The following ASTN1 variants were observed in gnomAD, a reference collection of about 807,000 sequenced individuals.
ASTN1 encodes astrotactin 1.
ASTN1 carries 41 observed loss-of-function variants against 140.7 expected under a neutral mutation model. The ratio of observed to expected loss-of-function variants is 0.29; its 90% CI spans 0.23 to 0.38. The LOEUF (loss-of-function observed/expected upper bound fraction) is 0.38. Ranked by LOEUF, ASTN1 falls within the 10% of genes least tolerant of loss-of-function variation. The pLI, the probability that ASTN1 is intolerant of heterozygous loss-of-function variation, is 1.00. For synonymous variants in ASTN1, 640 were observed against 652.2 expected (o/e 0.98, Z 0.29); for missense variants, 1,479 against 1,678.8 (o/e 0.88, Z 2.08).
intron 1 of ASTN1, among the ~76,000 whole-genome samples, chr1:177,146,656 A>C (rs1682731826): frequency 6.6e-6 from 1 of 152,218 alleles, no homozygotes. Flanking sequence ...TGTCAAGCTC[A>C]CTACGGCATT....
chr1:177,038,053 G>A (rs931078873), intron 2 of ASTN1, among the ~76,000 whole-genome samples: 8 of 152,124 alleles, frequency 5.3e-5, no homozygotes, highest in Non-Finnish European at 1.2e-4. Context: ...ATTGCCGAAG[G>A]ATGGAAAATT....
chr1:177,045,741 T>A (rs1677184011), intron 2 of ASTN1, among the ~76,000 whole-genome samples: 2 of 152,144 alleles, frequency 1.3e-5, no homozygotes, highest in African/African-American at 2.4e-5. Flanking sequence ...AGTGACAGAT[T>A]TTTTTTCTAG....
At chr1:176,954,941 GTCCTGCT>G (rs1353320196) in intron 11 of ASTN1, among the ~76,000 whole-genome samples, 1 of 152,192 alleles carries the variant, frequency 6.6e-6, no homozygotes, top group Non-Finnish European at 1.5e-5. Context: ...TGAGAAACAT[GTCCTGCT>G]TCCTAGAAAG....
chr1:176,971,875 TC>T (rs1419524015), intron 8 of ASTN1, among the ~76,000 whole-genome samples: 2 of 152,172 alleles, frequency 1.3e-5, no homozygotes, highest in Non-Finnish European at 2.9e-5. Flanking sequence ...CTCAGATAAG[TC>T]CTTTAATTTC....
At chr1:176,879,915 C>T (rs1283851236) in intron 20 of ASTN1, among the ~76,000 whole-genome samples, 1 of 152,094 alleles carries the variant, frequency 6.6e-6, no homozygotes, top group African/African-American at 2.4e-5. Flanking sequence ...TCATCATGGC[C>T]GGGGGAGCAC....
chr1:177,130,786 C>T (rs942168038), intron 1 of ASTN1, among the ~76,000 whole-genome samples: 3 of 152,180 alleles, frequency 2.0e-5, no homozygotes, highest in East Asian at 1.9e-4. Flanking sequence ...GCCTGGTCCA[C>T]GTTAAAGTGT....
intron 13 of ASTN1, among the ~76,000 whole-genome samples, chr1:176,944,980 G>T (rs1444642199): frequency 6.6e-6 from 1 of 152,152 alleles, no homozygotes; most frequent in Non-Finnish European, 1.5e-5. Flanking sequence ...GCTCATGAGG[G>T]TCTAGGCCCA....
chr1:177,099,112 A>T (rs1680183254), intron 1 of ASTN1, among the ~76,000 whole-genome samples: 1 of 152,180 alleles, frequency 6.6e-6, no homozygotes, highest in East Asian at 1.9e-4. Flanking sequence ...AGCAACATCA[A>T]TTCTCAACAC....
intron 1 of ASTN1, among the ~76,000 whole-genome samples, chr1:177,141,708 A>C (rs1682478030): frequency 6.6e-6 from 1 of 152,220 alleles, no homozygotes; most frequent in Non-Finnish European, 1.5e-5. Flanking sequence ...GATCAGTAAT[A>C]AAAGGGATAT....
intron 1 of ASTN1, among the ~76,000 whole-genome samples, chr1:177,112,488 C>A (rs1169957627): frequency 1.3e-5 from 2 of 152,148 alleles, no homozygotes; most frequent in African/African-American, 4.8e-5. Flanking sequence ...ACATGGGCAA[C>A]AATCAGACCG....
chr1:176,983,934 C>T (rs931765997), intron 8 of ASTN1, among the ~76,000 whole-genome samples: 1 of 152,190 alleles, frequency 6.6e-6, no homozygotes, highest in African/African-American at 2.4e-5. Flanking sequence ...TCCACTCATA[C>T]AAATGACAGA....
intron 9 of ASTN1, among the ~76,000 whole-genome samples, chr1:176,961,236 C>A (rs924251225): frequency 1.3e-5 from 2 of 152,174 alleles, no homozygotes; most frequent in Non-Finnish European, 2.9e-5. Flanking sequence ...CCATGTAGAG[C>A]AGGCTATAGG....
chr1:177,056,064 C>G (rs972119404), intron 2 of ASTN1, among the ~76,000 whole-genome samples: 23 of 152,178 alleles, frequency 1.5e-4, no homozygotes, highest in South Asian at 2.1e-4. Context: ...ACATGCGATG[C>G]TCAGGCAACT....
At chr1:177,001,202 C>G (rs939161387) in intron 8 of ASTN1, among the ~76,000 whole-genome samples, 3 of 152,194 alleles carry the variant, frequency 2.0e-5, no homozygotes, top group Non-Finnish European at 4.4e-5. Context: ...ATGTTCCAGA[C>G]AGTGTATTAA....
intron 20 of ASTN1, among the ~76,000 whole-genome samples, chr1:176,881,809 G>A (rs1668811120): frequency 6.6e-6 from 1 of 152,184 alleles, no homozygotes; most frequent in Non-Finnish European, 1.5e-5. Context: ...TTCAGCCTGA[G>A]CACTGAAGTT....
chr1:176,975,996 A>G (rs1417272190), intron 8 of ASTN1: 3 of 152,186 alleles, frequency 2.0e-5, no homozygotes, highest in Non-Finnish European at 2.9e-5. Flanking sequence ...CCAGCCTAAG[A>G]ATTCACTGGA....
intron 1 of ASTN1, among the ~76,000 whole-genome samples, chr1:177,130,959 G>T (rs1261453747): frequency 6.6e-6 from 1 of 152,116 alleles, no homozygotes; most frequent in Non-Finnish European, 1.5e-5. Context: ...GACCAAGTTT[G>T]CACTTATTGG....
chr1:176,974,249 T>G (rs1673266414), intron 8 of ASTN1, among the ~76,000 whole-genome samples: 1 of 152,340 alleles, frequency 6.6e-6, no homozygotes, highest in South Asian at 2.1e-4. Flanking sequence ...ATCTACCTCA[T>G]CAACTGCATA....
chr1:176,888,899 T>C (rs376545267), intron 17 of ASTN1, among the ~76,000 whole-genome samples: 2 of 152,284 alleles, frequency 1.3e-5, no homozygotes, highest in South Asian at 2.1e-4. Context: ...GGGATAAAAA[T>C]AGCACTTTCC....
Sources: gnomAD v4.1 joint callset for allele counts (sites outside exome capture counted in the v4.1 genomes callset) on GRCh38, gnomAD v4.1.1 for gene constraint, MANE v1.5 for transcripts, NCBI Gene and HGNC (gene_info 2026-07-23, HGNC 2026-07-21) for gene names.